CASS4: variants seen among roughly 807,000 people sequenced by gnomAD.
CASS4 encodes the protein cas scaffolding protein family member 4.
A neutral mutation model predicts 54.2 loss-of-function variants in CASS4; 22 were observed. That is an observed-to-expected ratio of 0.41 (90% confidence interval 0.29 to 0.58). The LOEUF is 0.58. CASS4 is among the 20% of genes least tolerant of loss of function. CASS4 has a pLI of 0.36. For synonymous variants in CASS4, 409 were observed against 391.5 expected (o/e 1.04, Z -0.53); for missense variants, 854 against 986.7 (o/e 0.87, Z 1.80).
chr20:56,418,643 T>C lies in CASS4; in HGVS notation c.36+6149T>C, dbSNP rs1345204697. Among the ~76,000 whole-genome samples the C allele has an allele frequency of 1.7e-4, 26 of 152,208 alleles. 1 individual carries two copies. Among genetic ancestry groups the C allele is most frequent in the Middle Eastern group, 3.2e-3 (1 of 316 alleles). On this transcript the variant is annotated intron_variant, in intron 1 of 5. Coordinates refer to ENST00000679887, the MANE Select transcript of CASS4 (RefSeq NM_020356.4). ...TCTCCATGGACACGAAGGAGAATCG[T>C]GTACTCTGTCTTTAAAAAAGTAGAA... is the stretch of plus-strand genomic sequence containing the variant.
intron 1 of CASS4, among the ~76,000 whole-genome samples, chr20:56,428,917 C>A (rs1360740141): frequency 6.9e-6 from 1 of 145,118 alleles, no homozygotes; most frequent in Non-Finnish European, 1.5e-5. Context: ...TCAGTGTACC[C>A]CCCGACCTGC....
chr20:56,433,968 A>C (rs1980035176), intron 1 of CASS4, among the ~76,000 whole-genome samples: 2 of 152,188 alleles, frequency 1.3e-5, no homozygotes, highest in South Asian at 4.1e-4. Flanking sequence ...TGAGGGCTGC[A>C]GCTGATTCTG....
chr20:56,456,019 T>C (rs1600778885), intron 5 of CASS4, among the ~76,000 whole-genome samples: 1 of 151,672 alleles, frequency 6.6e-6, no homozygotes, highest in East Asian at 1.9e-4. Context: ...GGGTGCAGCA[T>C]AATAATGTGC....
intron 1 of CASS4, among the ~76,000 whole-genome samples, chr20:56,432,068 C>G (rs2146275451): frequency 6.6e-6 from 1 of 152,170 alleles, no homozygotes; most frequent in East Asian, 1.9e-4. Context: ...GGTCAAAGAT[C>G]GTTGAGGATA....
intron 1 of CASS4, among the ~76,000 whole-genome samples, chr20:56,431,738 C>G (rs1600754726): frequency 6.6e-6 from 1 of 152,232 alleles, no homozygotes; most frequent in South Asian, 2.1e-4. Flanking sequence ...TTCAGGGCAG[C>G]TGCCATATTG....
chr20:56,412,448 A>G lies in CASS4; in HGVS notation c.-11A>G, dbSNP rs778196586. 34 of 1,612,104 alleles carry G rather than the reference A, an allele frequency of 2.1e-5. No homozygotes were observed. The Admixed American group carries it at 5.4e-4, about 25-fold the overall frequency. ...CTGCAGAGCTCAGGGGAGCTGCTCCACATCACCGACATGAAGGGAACAGGC... is the reference window on the plus strand; with the variant it reads ...CTGCAGAGCTCAGGGGAGCTGCTCCGCATCACCGACATGAAGGGAACAGGC... On this transcript the variant is annotated 5_prime_UTR_variant, in exon 1 of 6. Coordinates refer to ENST00000679887, the MANE Select transcript of CASS4 (RefSeq NM_020356.4). The surrounding 1 kb of genome is among the most constrained non-coding windows in gnomAD (Gnocchi z 4.2).
At chr20:56,429,614 A>G (rs1310253031) in intron 1 of CASS4, among the ~76,000 whole-genome samples, 1 of 151,898 alleles carries the variant, frequency 6.6e-6, no homozygotes, top group Non-Finnish European at 1.5e-5. Context: ...CAACACATAC[A>G]TACACACTCA....
At chr20:56,436,450 A>G (rs951917489) in intron 1 of CASS4, among the ~76,000 whole-genome samples, 1 of 150,876 alleles carries the variant, frequency 6.6e-6, no homozygotes, top group African/African-American at 2.4e-5. Flanking sequence ...GTGTGTATAT[A>G]TACATATATA....
intron 1 of CASS4, among the ~76,000 whole-genome samples, chr20:56,417,444 T>C (rs1359503029): frequency 6.6e-6 from 1 of 151,852 alleles, no homozygotes; most frequent in African/African-American, 2.4e-5. Context: ...GCAAATCACT[T>C]CCCCCCTACA....
At chr20:56,420,555 ATTTTTTT>A (rs11475630) in intron 1 of CASS4, among the ~76,000 whole-genome samples, 1 of 137,318 alleles carries the variant, frequency 7.3e-6, no homozygotes, top group East Asian at 2.1e-4. Flanking sequence ...TGCCCATCTA[ATTTTTTT>A]TTTTTTTTTT....
intron 1 of CASS4, among the ~76,000 whole-genome samples, chr20:56,413,640 T>C (rs1170562509): frequency 1.5e-5 from 2 of 131,098 alleles, no homozygotes. Flanking sequence ...ACCACTGCAT[T>C]CCGGCCTGGG....
intron 1 of CASS4, among the ~76,000 whole-genome samples, chr20:56,423,625 ACCTC>A (rs1979508727): frequency 6.6e-6 from 1 of 151,848 alleles, no homozygotes; most frequent in Non-Finnish European, 1.5e-5. Flanking sequence ...GCTCACTGCA[ACCTC>A]CACCTCCCAA....
intron 5 of CASS4, among the ~76,000 whole-genome samples, chr20:56,454,977 T>A (rs1332149471): frequency 6.6e-6 from 1 of 152,216 alleles, no homozygotes; most frequent in African/African-American, 2.4e-5. Context: ...GTAGGGGCTC[T>A]GCAAGGTTGT....
chr20:56,437,382 A>C lies in CASS4; in HGVS notation c.255A>C (p.Arg85Ser). ...AADRPCPPFL[R>S]GLEEAPASSE... ...ACAGGCCGTGCCCCCCATTCCTGAG[A>C]GGCCTGGAAGAAGCTCCTGCCAGCT... The change falls in exon 2 of 6, where the codon AGA (arginine) becomes AGC (serine). Residue 85 changes from arginine to serine, a missense_variant. By Grantham distance (110) the Arg-to-Ser change is moderately radical. Coordinates refer to ENST00000679887, the MANE Select transcript of CASS4 (RefSeq NM_020356.4). This position sits in a 1 kb window ranked among gnomAD's most constrained non-coding sequence, Gnocchi z 4.7. 1.2e-6 allele frequency: 2 copies of C among 1,614,080 alleles called. No individual in the cohort carries two copies. Among genetic ancestry groups the C allele is most frequent in the Non-Finnish European group, 1.7e-6 (2 of 1,179,968 alleles).
intron 1 of CASS4, among the ~76,000 whole-genome samples, chr20:56,431,578 T>C (rs1376220469): frequency 1.3e-5 from 2 of 152,206 alleles, no homozygotes; most frequent in Non-Finnish European, 2.9e-5. Flanking sequence ...ATAAATCATA[T>C]ATCAAGAATA....
intron 1 of CASS4, among the ~76,000 whole-genome samples, chr20:56,422,828 G>T (rs1003373203): frequency 3.3e-5 from 5 of 152,332 alleles, no homozygotes; most frequent in African/African-American, 1.2e-4. Flanking sequence ...AGAAAATAAG[G>T]AACTCTCTTT....
chr20:56,437,363 C>T lies in CASS4; in HGVS notation c.236C>T (p.Pro79Leu), dbSNP rs769993078. ...CTCACGGAGGTCGCTGCAGACAGGC[C>T]GTGCCCCCCATTCCTGAGAGGCCTG... The part of the protein sequence containing the change: ...QILTEVAADR[P>L]CPPFLRGLEE... Residue 79 changes from proline (P) to leucine (L), a missense_variant, in exon 2 of 6, where the codon CCG (proline) becomes CTG (leucine). Pro to Leu is a moderately conservative substitution (Grantham distance 98, BLOSUM62 -3). Transcript: ENST00000679887. This position sits in a 1 kb window ranked among gnomAD's most constrained non-coding sequence, Gnocchi z 4.7. The T allele has an allele frequency of 1.3e-5, 21 of 1,613,926 alleles. No individual in the cohort carries two copies. The highest frequency in any genetic ancestry group is 6.7e-5 in the East Asian group (3 of 44,890).
chr20:56,419,125 G>A (rs555068155), intron 1 of CASS4, among the ~76,000 whole-genome samples: 180 of 152,220 alleles, frequency 1.2e-3, no homozygotes, highest in African/African-American at 4.1e-3. Flanking sequence ...AAACAGGGCC[G>A]TTTTGGAATT....
chr20:56,442,369 C>T (rs1178380412), intron 2 of CASS4, among the ~76,000 whole-genome samples: 1 of 151,770 alleles, frequency 6.6e-6, no homozygotes, highest in African/African-American at 2.4e-5. Context: ...TGCAGCCACA[C>T]AGCTGATGAA....
Sources: gnomAD v4.1 joint callset for allele counts (sites outside exome capture counted in the v4.1 genomes callset) on GRCh38, gnomAD v4.1.1 for gene constraint, Gnocchi (gnomAD v3.1) non-coding constraint, MANE v1.5 for transcripts, NCBI Gene and HGNC (gene_info 2026-07-23, HGNC 2026-07-21) for gene names.